Variants in TDRD12 observed in about 807,000 individuals in gnomAD.
The protein encoded by TDRD12 is tudor domain containing 12.
Under a neutral mutation model 133.5 loss-of-function variants are expected in TDRD12, and 158 were observed. The ratio of observed to expected loss-of-function variants is 1.18; its 90% CI spans 1.04 to 1.35. The LOEUF (loss-of-function observed/expected upper bound fraction) is 1.35, where lower values mean the gene tolerates loss of function less well. TDRD12 is among the 40% of genes most tolerant of loss of function. The probability of loss-of-function intolerance (pLI) is 0.00; values close to 1 mark genes in which losing one functional copy is unlikely to be tolerated. For synonymous variants in TDRD12, 460 were observed against 477.9 expected (o/e 0.96, Z 0.49); for missense variants, 1,443 against 1,321.3 (o/e 1.09, Z -1.43).
At chr19:32,800,585 G>A in intron 17 of TDRD12, 59 bp from the exon 18 acceptor site, 4 of 1,420,220 alleles carry the variant, frequency 2.8e-6, no homozygotes, top group Non-Finnish European at 3.7e-6. Flanking sequence ...CCTGTGGAAA[G>A]TGGATCTGGA....
intron 11 of TDRD12, among the ~76,000 whole-genome samples, chr19:32,785,376 C>T (rs1970877219): frequency 6.6e-6 from 1 of 152,098 alleles, no homozygotes; most frequent in Non-Finnish European, 1.5e-5. Context: ...TGTTTTACTT[C>T]CAATTATGTG....
chr19:32,745,813 T>TGTGTGA (rs1171510026), intron 4 of TDRD12, among the ~76,000 whole-genome samples: 1 of 106,478 alleles, frequency 9.4e-6, no homozygotes, highest in African/African-American at 4.0e-5. Context: ...TGTGTGTGTG[T>TGTGTGA]GAGAGAGAAG....
chr19:32,775,115 G>A (rs1970543942), intron 10 of TDRD12, among the ~76,000 whole-genome samples: 1 of 151,616 alleles, frequency 6.6e-6, no homozygotes, highest in Admixed American at 6.6e-5. Context: ...ATTTTTTTCT[G>A]CACCAATCTT....
At chr19:32,754,204 C>G (rs760189353) in intron 6 of TDRD12, among the ~76,000 whole-genome samples, 2 of 152,214 alleles carry the variant, frequency 1.3e-5, no homozygotes, top group African/African-American at 4.8e-5. Flanking sequence ...CTGTGACTTA[C>G]ACCTGTTTAA....
intron 25 of TDRD12, among the ~76,000 whole-genome samples, chr19:32,814,106 C>T (rs73035351): frequency 0.056 from 8,508 of 152,308 alleles, 321 homozygotes; most frequent in Middle Eastern, 0.099. Context: ...CTTTCTCATT[C>T]ACCACGCACT....
At chr19:32,803,416 A>C (rs1332986846) in intron 21 of TDRD12, among the ~76,000 whole-genome samples, 5 of 152,104 alleles carry the variant, frequency 3.3e-5, no homozygotes, top group African/African-American at 1.2e-4. Context: ...TGTCTGTGAC[A>C]TTCGTCTGTG....
In TDRD12 at chr19:32,720,041, AG is replaced by A. The variant is rs1313360445; in HGVS notation, c.-27del. The A allele has an allele frequency of 1.1e-5, 17 of 1,547,302 alleles. No homozygotes were observed. The East Asian group carries it at 3.7e-4, about 33-fold the overall frequency. ...GCGACGGTAGGGGACTTCCAGGGCG[AG>A]GGGGCCCATCTGCCCTCGGGCGCCA... On this transcript the variant is annotated 5_prime_UTR_variant, in exon 1 of 28. Coordinates refer to ENST00000444215, the Ensembl canonical transcript of TDRD12.
At chr19:32,748,199 G>T (rs4805804) in intron 4 of TDRD12, among the ~76,000 whole-genome samples, 88,664 of 151,802 alleles carry the variant, frequency 0.58, 26,726 homozygotes, top group East Asian at 0.82. Context: ...GATGGTGGTG[G>T]TGTGACAGAC....
At chr19:32,827,130 T>C in intron 9 of TDRD12, 34 bp from the exon 33 acceptor site, 1 of 1,142,658 alleles carries the variant, frequency 8.8e-7, no homozygotes, top group Non-Finnish European at 1.1e-6. Flanking sequence ...CTGATTAGTC[T>C]ACACTTATTT....
chr19:32,744,518 AAAAAAAC>A (rs1312214278), intron 4 of TDRD12, among the ~76,000 whole-genome samples: 6 of 150,568 alleles, frequency 4.0e-5, no homozygotes, highest in East Asian at 1.9e-4. Flanking sequence ...AAAAAAAAAA[AAAAAAAC>A]AAAAGAATAT....
intron 27 of TDRD12, among the ~76,000 whole-genome samples, chr19:32,819,242 A>G (rs58018786): frequency 0.11 from 16,152 of 151,464 alleles, 1,082 homozygotes; most frequent in Middle Eastern, 0.16. Flanking sequence ...GGTTGAGCCC[A>G]GGAGGTTTAG....
chr19:32,720,164 A>G (rs1438042686), intron 1 of TDRD12, 68 bp downstream of exon 1: 1 of 1,090,280 alleles, frequency 9.2e-7, no homozygotes, highest in Admixed American at 4.0e-5. Flanking sequence ...AGCCGCGCAC[A>G]GCCTCCCACC....
At chr19:32,798,318 T>C (rs1443062947) in exon 16 of TDRD12, 1 of 1,531,084 alleles carries the variant, frequency 6.5e-7, no homozygotes, top group Non-Finnish European at 8.7e-7. Flanking sequence ...GTGATGTGAT[T>C]GTTACGACCC....
chr19:32,739,718 C>CTCTGCATCTCCTGGGTGCTG (rs1969346107), intron 3 of TDRD12, among the ~76,000 whole-genome samples: 24 of 115,106 alleles, frequency 2.1e-4, no homozygotes, highest in African/African-American at 7.5e-4. Context: ...CCTGGGTACT[C>CTCTGCATCTCCTGGGTGCTG]TCTGCATCTC....
At chr19:32,811,520 T>C in intron 24 of TDRD12, 100 bp downstream of exon 24, 1 of 1,181,178 alleles carries the variant, frequency 8.5e-7, no homozygotes, top group Non-Finnish European at 1.2e-6. Flanking sequence ...AGTGTCACGT[T>C]TGGGCAGGGA....
chr19:32,814,297 G>A (rs547457857), intron 25 of TDRD12, among the ~76,000 whole-genome samples: 1 of 152,220 alleles, frequency 6.6e-6, no homozygotes, highest in Non-Finnish European at 1.5e-5. Flanking sequence ...CACGGCTGCT[G>A]GCACCACCCT....
intron 16 of TDRD12, among the ~76,000 whole-genome samples, chr19:32,799,731 T>TTC (rs1971331391): frequency 7.2e-6 from 1 of 139,604 alleles, no homozygotes; most frequent in East Asian, 2.0e-4. Flanking sequence ...TTTTTGCCTT[T>TTC]TTTTTTTTTT....
chr19:32,748,721 T>A (rs917416374), intron 5 of TDRD12, among the ~76,000 whole-genome samples, 190 bp downstream of exon 5: 1 of 152,232 alleles, frequency 6.6e-6, no homozygotes, highest in Non-Finnish European at 1.5e-5. Context: ...TGGCAGTGGA[T>A]GTCAGTAATT....
chr19:32,802,152 T>TATATATATATGATA, intron 19 of TDRD12, among the ~76,000 whole-genome samples: 1 of 138,106 alleles, frequency 7.2e-6, no homozygotes, highest in Non-Finnish European at 1.5e-5. Context: ...TATATTATCA[T>TATATATATATGATA]ATATATATAT....
Sources: allele counts gnomAD v4.1 joint callset (sites outside exome capture counted in the v4.1 genomes callset), GRCh38; gene constraint gnomAD v4.1.1; transcripts MANE v1.5; gene names NCBI Gene and HGNC (gene_info 2026-07-23, HGNC 2026-07-21).